DYM: variants seen among roughly 807,000 people sequenced by gnomAD.
DYM encodes the protein dyggve-Melchior-Clausen syndrome protein.
Under a neutral mutation model 93.1 loss-of-function variants are expected in DYM, and 78 were observed. That is an observed-to-expected ratio of 0.84 (90% CI 0.70 to 1.01). The LOEUF (loss-of-function observed/expected upper bound fraction) is 1.01. Ranked by LOEUF, DYM falls within the 50% of genes least tolerant of loss-of-function variation. The pLI is 0.00. For synonymous variants in DYM, 321 were observed against 319.7 expected (o/e 1.00, Z -0.04); for missense variants, 789 against 845.0 (o/e 0.93, Z 0.82).
At chr18:49,257,792 G>A (rs1327538330) in intron 12 of DYM, among the ~76,000 whole-genome samples, 1 of 151,732 alleles carries the variant, frequency 6.6e-6, no homozygotes. Context: ...AGGTTACAGT[G>A]AGCTATGATT....
chr18:49,312,594 G>C (rs1269275177), intron 8 of DYM, among the ~76,000 whole-genome samples: 2 of 152,126 alleles, frequency 1.3e-5, no homozygotes, highest in Non-Finnish European at 2.9e-5. Flanking sequence ...CATTTTCATA[G>C]CTCAATAAAA....
chr18:49,128,741 A>G (rs914610094), intron 15 of DYM, among the ~76,000 whole-genome samples: 2 of 152,208 alleles, frequency 1.3e-5, no homozygotes, highest in African/African-American at 4.8e-5. Flanking sequence ...AAACGTATTC[A>G]GGGTAACTTC....
intron 8 of DYM, among the ~76,000 whole-genome samples, chr18:49,310,263 G>A (rs1225613346): frequency 6.6e-6 from 1 of 152,140 alleles, no homozygotes; most frequent in Non-Finnish European, 1.5e-5. Context: ...TTTAACCTGA[G>A]TTCAGTGAAT....
chr18:49,173,446 T>C (rs1451965403), intron 14 of DYM, among the ~76,000 whole-genome samples: 1 of 152,140 alleles, frequency 6.6e-6, no homozygotes, highest in African/African-American at 2.4e-5. Flanking sequence ...CCCTGTTTAC[T>C]TAGGTCTTCC....
chr18:49,363,160 C>G lies in DYM; in HGVS notation c.494+1G>C, dbSNP rs754725273. The G allele has an allele frequency of 6.2e-7, 1 of 1,612,522 alleles. No homozygotes were observed. On this transcript the variant is annotated splice_donor_variant, in intron 6 of 17. Transcript: ENST00000675505. LOFTEE classifies it high-confidence loss of function. ...CAAATCCTGGCCTAGCCAGAACTTA[C>G]AAGAGTGGAATATCAGTGATCAACT... is the stretch of plus-strand genomic sequence containing the variant.
At chr18:49,236,388 G>A (rs1384102843) in intron 13 of DYM, among the ~76,000 whole-genome samples, 7 of 151,960 alleles carry the variant, frequency 4.6e-5, no homozygotes, top group African/African-American at 7.2e-5. Context: ...GCTGAGGCAG[G>A]AGAACGGTGT....
chr18:49,438,265 G>C (rs1031637175), intron 1 of DYM, among the ~76,000 whole-genome samples: 1 of 152,210 alleles, frequency 6.6e-6, no homozygotes, highest in East Asian at 1.9e-4. Context: ...TATCAGGAGA[G>C]ACACTGAACA....
intron 1 of DYM, chr18:49,431,681 C>T (rs910062852): frequency 6.6e-6 from 1 of 152,172 alleles, no homozygotes; most frequent in African/African-American, 2.4e-5. Flanking sequence ...GGACCAAAGG[C>T]GGCTCAGGTC....
intron 17 of DYM, among the ~76,000 whole-genome samples, chr18:49,082,864 C>T (rs357853): frequency 0.88 from 133,229 of 152,214 alleles, 58,600 homozygotes; most frequent in South Asian, 0.92. Flanking sequence ...CTTGCTTTGT[C>T]CCTGATCAGT....
At chr18:49,370,946 C>T (rs368850720) in intron 5 of DYM, among the ~76,000 whole-genome samples, 4 of 152,116 alleles carry the variant, frequency 2.6e-5, no homozygotes, top group Admixed American at 6.5e-5. Flanking sequence ...GAACAACCTA[C>T]GAGCAAATAA....
intron 3 of DYM, among the ~76,000 whole-genome samples, chr18:49,388,913 CAAAAAA>C (rs59658815): frequency 7.7e-6 from 1 of 129,050 alleles, no homozygotes; most frequent in Non-Finnish European, 1.7e-5. Context: ...CATTTTCAGA[CAAAAAA>C]AAAAAAAAAG....
At chr18:49,141,066 C>T (rs1199131548) in intron 15 of DYM, among the ~76,000 whole-genome samples, 1 of 152,220 alleles carries the variant, frequency 6.6e-6, no homozygotes, top group African/African-American at 2.4e-5. Context: ...TTCTCTTCCA[C>T]CCAGCTTCTG....
Position 49,269,301 on chromosome 18 carries a change from C to T in DYM, c.1251+2877G>A, listed in dbSNP as rs76263782. Among the ~76,000 whole-genome samples, 1,106 of 152,090 alleles carry T rather than the reference C, an allele frequency of 7.3e-3. 19 individuals are homozygous for T. Among genetic ancestry groups the T allele is most frequent in the African/African-American group, 0.026 (1,061 of 41,488 alleles). On this transcript the variant is annotated intron_variant, in intron 11 of 17. Coordinates refer to ENST00000675505, the MANE Select transcript of DYM (RefSeq NM_001353214.3). ...GTGTGGATAGTCATTATGAAAAAGACAAGAGATAACAAGTACGGGAGGGGA... is the reference window on the plus strand; with the variant it reads ...GTGTGGATAGTCATTATGAAAAAGATAAGAGATAACAAGTACGGGAGGGGA...
At chr18:49,447,877 A>G (rs986338106) in intron 1 of DYM, among the ~76,000 whole-genome samples, 12 of 152,136 alleles carry the variant, frequency 7.9e-5, no homozygotes, top group Admixed American at 1.3e-4. Flanking sequence ...GTGATTTTCT[A>G]AGAACAGGGC....
intron 6 of DYM, among the ~76,000 whole-genome samples, chr18:49,337,259 T>C (rs980015181): frequency 6.6e-6 from 1 of 152,216 alleles, no homozygotes; most frequent in East Asian, 1.9e-4. Context: ...CAGAATGTTG[T>C]TGACTGGCTT....
At chr18:49,454,979 C>CTT (rs111748127) in intron 1 of DYM, among the ~76,000 whole-genome samples, 13,466 of 150,500 alleles carry the variant, frequency 0.089, 808 homozygotes, top group East Asian at 0.3. Context: ...CTCTCTCTCT[C>CTT]TCTCAAGGAG....
At chr18:49,250,398 G>A (rs1219311188) in intron 13 of DYM, among the ~76,000 whole-genome samples, 1 of 152,184 alleles carries the variant, frequency 6.6e-6, no homozygotes, top group Non-Finnish European at 1.5e-5. Context: ...TCTGAAAGAA[G>A]CCAGGTAACC....
chr18:49,418,337 T>C (rs1352180398), intron 2 of DYM, among the ~76,000 whole-genome samples: 1 of 152,188 alleles, frequency 6.6e-6, no homozygotes, highest in Non-Finnish European at 1.5e-5. Context: ...AAATCAGTCA[T>C]ATAAGTAGTT....
intron 15 of DYM, among the ~76,000 whole-genome samples, chr18:49,125,226 T>C (rs8083334): frequency 0.12 from 17,543 of 152,252 alleles, 1,263 homozygotes; most frequent in African/African-American, 0.2. Context: ...CCTACTGCAC[T>C]CCAGCCTGGG....
Sources: allele counts gnomAD v4.1 joint callset (sites outside exome capture counted in the v4.1 genomes callset), GRCh38; gene constraint gnomAD v4.1.1; transcripts MANE v1.5; gene names NCBI Gene and HGNC (gene_info 2026-07-23, HGNC 2026-07-21).